Variants in KCNMA1 observed in about 807,000 individuals in gnomAD.
The protein encoded by KCNMA1 is Calcium-activated potassium channel subunit alpha-1.
Under a neutral mutation model 140.0 loss-of-function variants are expected in KCNMA1, and 29 were observed. That is an observed-to-expected ratio of 0.21 (90% CI 0.15 to 0.28). The LOEUF (loss-of-function observed/expected upper bound fraction) is 0.28. KCNMA1 is among the 10% of genes least tolerant of loss of function. The probability of loss-of-function intolerance (pLI) is 1.00; values close to 1 mark genes in which losing one functional copy is unlikely to be tolerated. For synonymous variants in KCNMA1, 612 were observed against 611.9 expected (o/e 1.00, Z 0.00); for missense variants, 880 against 1,602.2 (o/e 0.55, Z 7.70).
At chr10:77,634,768 G>GA in intron 1 of KCNMA1, 1 of 280,588 alleles carries the variant, frequency 3.6e-6, no homozygotes, top group Non-Finnish European at 5.0e-6. Context: ...AAAGAAAAAA[G>GA]AAAAAAAGAC....
chr10:77,211,101 G>A (rs1458627878), intron 3 of KCNMA1, among the ~76,000 whole-genome samples: 1 of 151,888 alleles, frequency 6.6e-6, no homozygotes, highest in Admixed American at 6.6e-5. Flanking sequence ...GAGCCTGAGT[G>A]GCCAAAGCAA....
intron 3 of KCNMA1, among the ~76,000 whole-genome samples, chr10:77,221,011 C>T (rs2049453937): frequency 6.6e-6 from 1 of 152,090 alleles, no homozygotes; most frequent in Admixed American, 6.5e-5. Flanking sequence ...ATTTGATTCA[C>T]CAAGGGAAAA....
chr10:76,954,448 C>T (rs544415761), intron 20 of KCNMA1, among the ~76,000 whole-genome samples: 2 of 152,326 alleles, frequency 1.3e-5, no homozygotes, highest in African/African-American at 2.4e-5. Context: ...TGATGCTCTT[C>T]GCAGTAAAAG....
rs1231425920 is a variant in KCNMA1 at position 77,637,340 on chromosome 10, G to A, written c.303C>T (p.Gly101=). Residue 101 remains glycine (G), a synonymous_variant, in exon 1 of 28, where the codon GGC becomes GGT. Transcript: ENST00000286628. ...LASSMVTFFG[G]LFIILLWRTL... is the part of the protein sequence containing the mutation. ...TCCGCCAGAGCAAGATGATGAAGAG[G>A]CCCCCGAAGAAAGTCACCATGGAGG... The A allele has an allele frequency of 1.2e-6, 2 of 1,613,940 alleles. No individual in the cohort carries two copies.
At chr10:77,472,912 G>C (rs1342452161) in intron 1 of KCNMA1, among the ~76,000 whole-genome samples, 2 of 152,182 alleles carry the variant, frequency 1.3e-5, no homozygotes, top group East Asian at 3.9e-4. Flanking sequence ...CTTACTCTAT[G>C]CTGTCTGACA....
chr10:76,918,790 G>A (rs1232958681), intron 23 of KCNMA1, among the ~76,000 whole-genome samples: 6 of 152,092 alleles, frequency 3.9e-5, no homozygotes, highest in Admixed American at 1.3e-4. Flanking sequence ...ACTTGCACAC[G>A]AATGTTTATA....
At chr10:76,894,008 A>G (rs2041409490) in intron 25 of KCNMA1, among the ~76,000 whole-genome samples, 2 of 152,172 alleles carry the variant, frequency 1.3e-5, no homozygotes, top group Admixed American at 1.3e-4. Flanking sequence ...CAGACCCAAA[A>G]TAGCCAAAGC....
At chr10:77,567,951 G>C (rs529568435) in intron 1 of KCNMA1, among the ~76,000 whole-genome samples, 172 of 152,256 alleles carry the variant, frequency 1.1e-3, no homozygotes, top group African/African-American at 4.0e-3. Context: ...AATTAGCCAG[G>C]TGTGCTCTAC....
At chr10:77,256,940 C>CA (rs1432501098) in intron 2 of KCNMA1, among the ~76,000 whole-genome samples, 3 of 151,744 alleles carry the variant, frequency 2.0e-5, no homozygotes, top group South Asian at 2.1e-4. Context: ...CATATCTCTA[C>CA]AAAAAAAACT....
chr10:77,380,409 G>C (rs759251979), intron 2 of KCNMA1, among the ~76,000 whole-genome samples: 56 of 152,182 alleles, frequency 3.7e-4, no homozygotes, highest in Middle Eastern at 6.8e-3. Flanking sequence ...TCAGCCAGTG[G>C]TTCAACCACT....
At chr10:77,425,458 G>A (rs969633674) in intron 1 of KCNMA1, among the ~76,000 whole-genome samples, 1 of 152,108 alleles carries the variant, frequency 6.6e-6, no homozygotes, top group Admixed American at 6.5e-5. Flanking sequence ...GCTTGGGTGA[G>A]ATCTGGACAT....
chr10:77,242,307 C>A (rs938820327), intron 3 of KCNMA1, among the ~76,000 whole-genome samples: 3 of 152,310 alleles, frequency 2.0e-5, no homozygotes, highest in Admixed American at 1.3e-4. Flanking sequence ...CATTCTCAAT[C>A]CCTAATCTCA....
chr10:77,019,462 C>T (rs1005846346), intron 16 of KCNMA1: 16 of 261,334 alleles, frequency 6.1e-5, no homozygotes, highest in East Asian at 4.6e-4. Flanking sequence ...GTGGTCAACA[C>T]GGAAGCATTA....
chr10:77,482,283 C>T (rs1162699205), intron 1 of KCNMA1, among the ~76,000 whole-genome samples: 2 of 152,236 alleles, frequency 1.3e-5, no homozygotes, highest in Non-Finnish European at 2.9e-5. Context: ...GTGCATCTGT[C>T]CTGACTCCAG....
At chr10:77,271,069 T>A (rs1208292871) in intron 2 of KCNMA1, among the ~76,000 whole-genome samples, 1 of 152,222 alleles carries the variant, frequency 6.6e-6, no homozygotes, top group Non-Finnish European at 1.5e-5. Context: ...CAGTGTTTCA[T>A]GTGTTGCAAC....
chr10:77,420,341 C>T (rs7898846), intron 1 of KCNMA1, among the ~76,000 whole-genome samples: 17,468 of 152,310 alleles, frequency 0.11, 1,145 homozygotes, highest in Middle Eastern at 0.17. Context: ...TCATTGTGCT[C>T]ATGTTGGATT....
At chr10:77,147,048 G>A (rs957152454) in intron 5 of KCNMA1, among the ~76,000 whole-genome samples, 5 of 152,202 alleles carry the variant, frequency 3.3e-5, no homozygotes, top group East Asian at 1.9e-4. Flanking sequence ...ACAAAAGAAC[G>A]AACAATGAAG....
intron 2 of KCNMA1, among the ~76,000 whole-genome samples, chr10:77,372,281 C>T: frequency 6.6e-6 from 1 of 152,292 alleles, no homozygotes; most frequent in East Asian, 1.9e-4. Flanking sequence ...CTGTTTTGCC[C>T]ACGATTGTTC....
At chr10:77,268,444 T>C (rs1318974908) in intron 2 of KCNMA1, among the ~76,000 whole-genome samples, 1 of 152,240 alleles carries the variant, frequency 6.6e-6, no homozygotes, top group South Asian at 2.1e-4. Flanking sequence ...GTGTTGTTTT[T>C]TTAAGGCCTT....
Sources: allele counts gnomAD v4.1 joint callset (sites outside exome capture counted in the v4.1 genomes callset), GRCh38; gene constraint gnomAD v4.1.1; transcripts MANE v1.5; gene names NCBI Gene and HGNC (gene_info 2026-07-23, HGNC 2026-07-21).